The following ZNF473 variants were observed in gnomAD, a reference collection of about 807,000 sequenced individuals.
ZNF473 encodes zinc finger protein 473, also known as zinc finger protein 100 homolog.
In ZNF473, 4 loss-of-function variants were observed where a neutral mutation model predicts 11.1. The ratio of observed to expected loss-of-function variants is 0.36; its 90% confidence interval spans 0.18 to 0.82. The LOEUF (loss-of-function observed/expected upper bound fraction) is 0.82, where lower values mean the gene tolerates loss of function less well. Among genes scored for constraint, ZNF473 ranks in the 40% least tolerant of loss-of-function variants. ZNF473 has a pLI of 0.49. For synonymous variants in ZNF473, 404 were observed against 390.4 expected (o/e 1.03, Z -0.41); for missense variants, 854 against 1,084.0 (o/e 0.79, Z 2.98).
In ZNF473 at chr19:50,039,657, C is replaced by T. The variant is rs1978665623; in HGVS notation, c.136+370C>T. ...CCCCAGCCTTGTCTTCACCACTTTC[C>T]TACTTGTAGTCAGTCATTCTTCAAG... On this transcript the variant is annotated intron_variant, in intron 3 of 4. Coordinates refer to ENST00000270617, the MANE Select transcript of ZNF473 (RefSeq NM_015428.4). This position sits in a 1 kb window ranked among gnomAD's most constrained non-coding sequence, Gnocchi z 4.8. Among the ~76,000 whole-genome samples, 1 of 152,246 alleles carries T rather than the reference C, an allele frequency of 6.6e-6. No individual in the cohort carries two copies. Among genetic ancestry groups the T allele is most frequent in the African/African-American group, 2.4e-5 (1 of 41,458 alleles).
rs558181876 is a variant in ZNF473 at position 50,039,480 on chromosome 19, A to T, written c.136+193A>T. ...ATTTTTGATTGTTACTCCTTGGGCC[A>T]GCGCAGCGTGCCGCTAGCATCTAGC... is the stretch of plus-strand genomic sequence containing the variant. On this transcript the variant is annotated intron_variant, in intron 3 of 4. Transcript: ENST00000270617. This position sits in a 1 kb window ranked among gnomAD's most constrained non-coding sequence, Gnocchi z 4.8. Among the ~76,000 whole-genome samples the T allele has an allele frequency of 6.6e-6, 1 of 152,214 alleles. No individual in the cohort carries two copies. Among genetic ancestry groups the T allele is most frequent in the Non-Finnish European group, 1.5e-5 (1 of 68,050 alleles).
At position 50,048,315 on chromosome 19, in the gene ZNF473, CA is replaced by C. The variant is rs1257046610; in HGVS notation, c.*1257del. On this transcript the variant is annotated 3_prime_UTR_variant, in exon 5 of 5. Coordinates refer to ENST00000270617, the MANE Select transcript of ZNF473 (RefSeq NM_015428.4). ...GCTCAGTCACACCTTTGCTGAAACACAGTAGTCTTATGAAAAGCACTGGACA... is the reference window on the plus strand; with the variant it reads ...GCTCAGTCACACCTTTGCTGAAACACGTAGTCTTATGAAAAGCACTGGACA... 6.6e-6 allele frequency: 1 copy of C among 152,224 alleles called. No homozygotes were observed. The highest frequency in any genetic ancestry group is 2.4e-5 in the African/African-American group (1 of 41,436). The allele number at this position is 152,224 out of a possible 1,614,324, so 9.4% of individuals were successfully genotyped here.
chr19:50,043,461 A>G (rs998182808), intron 4 of ZNF473: 2 of 145,286 alleles, frequency 1.4e-5, no homozygotes, highest in Non-Finnish European at 3.0e-5. Flanking sequence ...ATATATATAT[A>G]TATATATATA....
At chr19:50,029,393 G>A (rs991050464) in intron 1 of ZNF473, among the ~76,000 whole-genome samples, 13 of 152,204 alleles carry the variant, frequency 8.5e-5, no homozygotes, top group African/African-American at 2.9e-4. Flanking sequence ...TGATCCGCCT[G>A]CCTTGGCCTC....
chr19:50,029,246 C>T (rs949064585), intron 1 of ZNF473, among the ~76,000 whole-genome samples: 4 of 152,174 alleles, frequency 2.6e-5, no homozygotes, highest in Non-Finnish European at 5.9e-5. Flanking sequence ...GGGTTCACAC[C>T]ATTCTCTCGC....
Position 50,029,395 on chromosome 19 carries a change from C to G in ZNF473, c.-191-1497C>G, listed in dbSNP as rs570177783. Among the ~76,000 whole-genome samples the G allele has an allele frequency of 1.2e-4, 18 of 152,352 alleles. 1 individual carries two copies. In the South Asian group the frequency reaches 2.7e-3, roughly 23 times the overall value. On this transcript the variant is annotated intron_variant, in intron 1 of 4. Coordinates refer to ENST00000270617, the MANE Select transcript of ZNF473 (RefSeq NM_015428.4). Reference sequence around the variant, plus strand: ...TCTCCTGACCTCGTGATCCGCCTGCCTTGGCCTCCCAAAGTGCTGGGATTA... The same window carrying G: ...TCTCCTGACCTCGTGATCCGCCTGCGTTGGCCTCCCAAAGTGCTGGGATTA...
chr19:50,039,075 A>T lies in ZNF473; in HGVS notation c.10-86A>T. 6.4e-7 allele frequency: 1 copy of T among 1,557,106 alleles called. No individual in the cohort carries two copies. Among genetic ancestry groups the T allele is most frequent in the African/African-American group, 1.4e-5 (1 of 73,862 alleles). ...ATGGTTTTTGCCAAAGCCCTGGCAGATTGAGGGCTGGGAGTGCCCTGAGTG... is the reference window on the plus strand; with the variant it reads ...ATGGTTTTTGCCAAAGCCCTGGCAGTTTGAGGGCTGGGAGTGCCCTGAGTG... On this transcript the variant is annotated intron_variant, in intron 2 of 4. Coordinates refer to ENST00000270617, the MANE Select transcript of ZNF473 (RefSeq NM_015428.4). The surrounding 1 kb of genome is among the most constrained non-coding windows in gnomAD (Gnocchi z 4.8).
intron 2 of ZNF473, among the ~76,000 whole-genome samples, chr19:50,036,147 T>C (rs956342329): frequency 7.9e-5 from 12 of 150,962 alleles, no homozygotes; most frequent in African/African-American, 2.9e-4. Context: ...TTGGTAGAGA[T>C]GGGGGTTTTA....
intron 2 of ZNF473, among the ~76,000 whole-genome samples, chr19:50,036,875 C>T (rs1448168323): frequency 6.6e-6 from 1 of 152,138 alleles, no homozygotes; most frequent in African/African-American, 2.4e-5. Context: ...CTATAGGAAA[C>T]AAATTTCTTT....
At chr19:50,031,345 C>T (rs112459137) in intron 2 of ZNF473, among the ~76,000 whole-genome samples, 1 of 152,320 alleles carries the variant, frequency 6.6e-6, no homozygotes, top group African/African-American at 2.4e-5. Context: ...AGAATAAATT[C>T]CAGGTTTTTC....
At position 50,048,771 on chromosome 19, in the gene ZNF473, C is replaced by T. The variant is rs1979287145; in HGVS notation, c.*1712C>T. ...TGGTTCTCTGATTAAAGTTTTGAGTCTAAAAGCATTGGTTCCTTCTCTCAG... is the reference window on the plus strand; with the variant it reads ...TGGTTCTCTGATTAAAGTTTTGAGTTTAAAAGCATTGGTTCCTTCTCTCAG... On this transcript the variant is annotated 3_prime_UTR_variant, in exon 5 of 5. Transcript: ENST00000270617. The T allele has an allele frequency of 6.6e-6, 1 of 152,298 alleles. No individual in the cohort carries two copies. The highest frequency in any genetic ancestry group is 2.4e-5 in the African/African-American group (1 of 41,462). The allele number at this position is 152,298 out of a possible 1,614,324, so 9.4% of individuals were successfully genotyped here.
chr19:50,047,159 T>G lies in ZNF473; in HGVS notation c.*100T>G. Reference sequence around the variant, plus strand: ...AAGTTTCTCTCCAAATAAATGCATCTAAAGATTGATTAGAAAGTTTGTGCG... The same window carrying G: ...AAGTTTCTCTCCAAATAAATGCATCGAAAGATTGATTAGAAAGTTTGTGCG... On this transcript the variant is annotated 3_prime_UTR_variant, in exon 5 of 5. Transcript: ENST00000270617. 1 of 987,070 alleles carries G rather than the reference T, an allele frequency of 1.0e-6. No homozygotes were observed. The highest frequency in any genetic ancestry group is 2.6e-5 in the East Asian group (1 of 39,162). The allele number at this position is 987,070 out of a possible 1,614,324, so 61.1% of individuals were successfully genotyped here.
rs1979280957 is a variant in ZNF473, at chr19:50,048,680, CTG to C, written c.*1623_*1624del. On this transcript the variant is annotated 3_prime_UTR_variant, in exon 5 of 5. Coordinates refer to ENST00000270617, the MANE Select transcript of ZNF473 (RefSeq NM_015428.4). ...GGCAGCCATTGGGTGTGGGGGCAGT[CTG>C]TAAATCAGTCACCTGTGTTGCTGCA... is the stretch of plus-strand genomic sequence containing the variant. 1 of 152,264 alleles carries C rather than the reference CTG, an allele frequency of 6.6e-6. No individual in the cohort carries two copies. 9.4% of individuals were successfully genotyped at this position (152,264 alleles called of 1,614,324 possible). A position where few individuals can be genotyped will look rare whatever the true frequency, so the allele number is the denominator to read the frequency against.
intron 1 of ZNF473, among the ~76,000 whole-genome samples, chr19:50,026,550 TAAA>T (rs71180669): frequency 0.051 from 6,106 of 119,238 alleles, 461 homozygotes; most frequent in African/African-American, 0.18. Flanking sequence ...GACTACATCT[TAAA>T]AAAAAAAAAA....
At chr19:50,041,463 C>G in intron 3 of ZNF473, 1 of 272,142 alleles carries the variant, frequency 3.7e-6, no homozygotes. Context: ...CATTAAAGAG[C>G]TGTCACAAGT....
In ZNF473 at chr19:50,044,863, C is replaced by T. The variant is rs151232054; in HGVS notation, c.420C>T (p.Asn140=). 1,130 of 1,614,162 alleles carry T rather than the reference C, an allele frequency of 7.0e-4. No homozygotes were observed. The highest frequency in any genetic ancestry group is 6.0e-4 in the Admixed American group (36 of 60,016). Residue 140 remains asparagine, a synonymous_variant, in exon 5 of 5, where the codon AAC becomes AAT. Transcript: ENST00000270617. ...ESLLRSDIAT[N]GESPTECKSH... is the part of the protein sequence containing the mutation. ...TTCTGAGGTCTGATATTGCCACCAACGGGGAAAGTCCCACGGAATGCAAGA... is the reference window on the plus strand; with the variant it reads ...TTCTGAGGTCTGATATTGCCACCAATGGGGAAAGTCCCACGGAATGCAAGA...
chr19:50,031,810 A>G (rs1600751341), intron 2 of ZNF473, among the ~76,000 whole-genome samples: 2 of 152,136 alleles, frequency 1.3e-5, no homozygotes, highest in African/African-American at 4.8e-5. Flanking sequence ...GAATGAATCA[A>G]TGAATGATGC....
At chr19:50,034,303 C>G (rs1428989560) in intron 2 of ZNF473, among the ~76,000 whole-genome samples, 1 of 152,246 alleles carries the variant, frequency 6.6e-6, no homozygotes, top group African/African-American at 2.4e-5. Flanking sequence ...GATTATCAAA[C>G]TGGCCTTTTT....
At position 50,039,727 on chromosome 19, in the gene ZNF473, G is replaced by A. The variant is rs1016540354; in HGVS notation, c.136+440G>A. Among the ~76,000 whole-genome samples the A allele has an allele frequency of 1.3e-5, 2 of 152,198 alleles. No individual in the cohort carries two copies. The highest frequency in any genetic ancestry group is 6.5e-5 in the Admixed American group (1 of 15,282). On this transcript the variant is annotated intron_variant, in intron 3 of 4. Coordinates refer to ENST00000270617, the MANE Select transcript of ZNF473 (RefSeq NM_015428.4). The surrounding 1 kb of genome is among the most constrained non-coding windows in gnomAD (Gnocchi z 4.8). ...CAGTTGCCCTCCCCTCTGCCTAAGC[G>A]GCTCTCAGGGCTTACATTTTTAAAG...
Sources: allele counts gnomAD v4.1 joint callset (sites outside exome capture counted in the v4.1 genomes callset), GRCh38; gene constraint gnomAD v4.1.1; non-coding constraint Gnocchi (gnomAD v3.1); transcripts MANE v1.5; gene names NCBI Gene and HGNC (gene_info 2026-07-23, HGNC 2026-07-21).